The following TRMU variants were observed in gnomAD, a reference collection of about 807,000 sequenced individuals.
TRMU encodes tRNA mitochondrial 2-thiouridylase, also known as mitochondrial tRNA-specific 2-thiouridylase 1.
Under a neutral mutation model 46.9 loss-of-function variants are expected in TRMU, and 49 were observed. The ratio of observed to expected loss-of-function variants is 1.05; its 90% confidence interval spans 0.83 to 1.33. TRMU has a LOEUF of 1.33. Ranked by LOEUF, TRMU falls within the 40% of genes most tolerant of loss-of-function variation. The pLI, the probability that TRMU is intolerant of heterozygous loss-of-function variation, is 0.00. For missense variants in TRMU, 572 were observed against 532.4 expected (o/e 1.07, Z -0.73); for synonymous variants, 241 against 200.9 (o/e 1.20, Z -1.69).
intron 8 of TRMU, 64 bp downstream of exon 8, chr22:46,353,931 G>T: frequency 6.5e-7 from 1 of 1,528,278 alleles, no homozygotes; most frequent in Non-Finnish European, 9.0e-7. Flanking sequence ...AGTGCTTCCA[G>T]ACCAGGGCTT....
chr22:46,356,016 G>A lies in TRMU; in HGVS notation c.1045G>A (p.Asp349Asn). 1.2e-6 allele frequency: 2 copies of A among 1,614,008 alleles called. No individual in the cohort carries two copies. Among genetic ancestry groups the A allele is most frequent in the South Asian group, 1.1e-5 (1 of 91,086 alleles). The change falls in exon 10 of 11, where the codon GAT (aspartate) becomes AAT (asparagine). Residue 349 changes from aspartate (D) to asparagine (N), a missense_variant. Physicochemically the swap from Asp to Asn is conservative, Grantham distance 23. Coordinates refer to ENST00000645190, the MANE Select transcript of TRMU (RefSeq NM_018006.5). ...GCCCTGTGTGCTGACCCTCAATCAAGATGGCACCGTGTGGGTGACAGCTGT... is the reference window on the plus strand; with the variant it reads ...GCCCTGTGTGCTGACCCTCAATCAAAATGGCACCGTGTGGGTGACAGCTGT... ...LVPCVLTLNQDGTVWVTAVQA... is the reference protein window; with the variant it reads ...LVPCVLTLNQNGTVWVTAVQA...
intron 5 of TRMU, 35 bp from the exon 6 acceptor site, chr22:46,352,086 C>G (rs372174768): frequency 1.2e-6 from 2 of 1,611,648 alleles, no homozygotes; most frequent in Non-Finnish European, 1.7e-6. Context: ...ACCGCCACTT[C>G]TGCTCCTCTC....
chr22:46,352,005 TG>T, intron 5 of TRMU, 115 bp from the exon 6 acceptor site: 2 of 1,218,058 alleles, frequency 1.6e-6, no homozygotes, highest in Non-Finnish European at 2.4e-6. Context: ...GCCCCTACCC[TG>T]GAAGCAAAGT....
At chr22:46,352,368 C>G in intron 7 of TRMU, 38 bp downstream of exon 7, 1 of 1,610,008 alleles carries the variant, frequency 6.2e-7, no homozygotes, top group Non-Finnish European at 8.5e-7. Flanking sequence ...TCTGAAATGC[C>G]TAGAGCTGTG....
chr22:46,352,905 G>A (rs2078477736), intron 7 of TRMU: 1 of 208,932 alleles, frequency 4.8e-6, no homozygotes, highest in Non-Finnish European at 9.8e-6. Flanking sequence ...TGTTGGGTTA[G>A]TACAGTGGCG....
intron 10 of TRMU, 115 bp from the exon 11 acceptor site, chr22:46,356,727 G>GCA: frequency 7.8e-7 from 1 of 1,282,138 alleles, no homozygotes; most frequent in Admixed American, 1.9e-5. Context: ...TCCCCTGGGA[G>GCA]CTCAGTGCCT....
At chr22:46,355,680 G>C in intron 9 of TRMU, 92 bp downstream of exon 9, 1 of 1,595,558 alleles carries the variant, frequency 6.3e-7, no homozygotes, top group Non-Finnish European at 8.6e-7. Context: ...CCTGGGGTAG[G>C]AAAGTCCCGT....
In TRMU at chr22:46,337,856, T is replaced by C. The variant is rs764569367; in HGVS notation, c.160T>C (p.Cys54Arg). The C allele has an allele frequency of 2.5e-6, 4 of 1,614,122 alleles. No homozygotes were observed. The highest frequency in any genetic ancestry group is 2.2e-5 in the South Asian group (2 of 91,096). ...TGGGGTCTGTACTGCCGACAAAGAC[T>C]GTGAAGATGCTTACAGAGTTTGCCA... is the stretch of plus-strand genomic sequence containing the variant. ...EHGVCTADKD[C>R]EDAYRVCQIL... is the part of the protein sequence containing the mutation. The change falls in exon 2 of 11, where the codon TGT (cysteine) becomes CGT (arginine). Residue 54 changes from cysteine to arginine, a missense_variant. Coordinates refer to ENST00000645190, the MANE Select transcript of TRMU (RefSeq NM_018006.5).
In TRMU at chr22:46,349,381, C is replaced by T. The variant is rs368410487; in HGVS notation, c.479-910C>T. ...GTAACGTGGGGAGAATTCTCCCTCT[C>T]ACGGCTAACGTGGGAATCGGCAGAT... On this transcript the variant is annotated intron_variant, in intron 4 of 10. Transcript: ENST00000645190. The surrounding 1 kb of genome is among the most constrained non-coding windows in gnomAD (Gnocchi z 4.6). Among the ~76,000 whole-genome samples, 762 of 152,136 alleles carry T rather than the reference C, an allele frequency of 5.0e-3. 12 individuals are homozygous for T. Among genetic ancestry groups the T allele is most frequent in the African/African-American group, 0.018 (746 of 41,416 alleles).
At chr22:46,344,211 G>C (rs1451219363) in intron 3 of TRMU, among the ~76,000 whole-genome samples, 1 of 152,142 alleles carries the variant, frequency 6.6e-6, no homozygotes, top group Non-Finnish European at 1.5e-5. Context: ...GAAAATCTGG[G>C]GGATTTAGGT....
chr22:46,344,865 G>A (rs2078211137), intron 3 of TRMU, among the ~76,000 whole-genome samples: 2 of 152,164 alleles, frequency 1.3e-5, no homozygotes, highest in South Asian at 4.1e-4. Flanking sequence ...CCTCAGTCAA[G>A]ATGAGATTAT....
chr22:46,355,829 C>T (rs1268124696), intron 9 of TRMU, 161 bp from the exon 10 acceptor site: 3 of 998,076 alleles, frequency 3.0e-6, no homozygotes, highest in Non-Finnish European at 4.5e-6. Context: ...GTACACTGCC[C>T]CGCAGTGTCC....
rs1436976326 is a variant in TRMU at position 46,350,356 on chromosome 22, C to G, written c.544C>G (p.Gln182Glu). The G allele has an allele frequency of 6.2e-7, 1 of 1,614,090 alleles. No homozygotes were observed. The highest frequency in any genetic ancestry group is 8.5e-7 in the Non-Finnish European group (1 of 1,180,042). ...GACCTTCTTTCTCAGCCAGGTTTCC[C>G]AGGATGCCCTGAGGAGAACCATCTT... ...DQTFFLSQVS[Q>E]DALRRTIFPL... Residue 182 changes from glutamine to glutamate, a missense_variant, in exon 5 of 11, where the codon CAG becomes GAG. By Grantham distance (29) the Gln-to-Glu change is conservative. Coordinates refer to ENST00000645190, the MANE Select transcript of TRMU (RefSeq NM_018006.5). The surrounding 1 kb of genome is among the most constrained non-coding windows in gnomAD (Gnocchi z 4.6).
At position 46,350,576 on chromosome 22, in the gene TRMU, A is replaced by C; in HGVS notation, c.651+113A>C. 7.5e-7 allele frequency: 1 copy of C among 1,338,800 alleles called. No individual in the cohort carries two copies. Among genetic ancestry groups the C allele is most frequent in the Non-Finnish European group, 1.1e-6 (1 of 943,980 alleles). 82.9% of individuals were successfully genotyped at this position (1,338,800 alleles called of 1,614,324 possible). On this transcript the variant is annotated intron_variant, in intron 5 of 10. Coordinates refer to ENST00000645190, the MANE Select transcript of TRMU (RefSeq NM_018006.5). The surrounding 1 kb of genome is among the most constrained non-coding windows in gnomAD (Gnocchi z 4.6). ...CACTTCCCCTTCTCCAGGACCTAAC[A>C]TCAAAGGCGGGCCTTGGAGCAATAG...
At chr22:46,344,659 C>T (rs192638409) in intron 3 of TRMU, among the ~76,000 whole-genome samples, 15 of 152,266 alleles carry the variant, frequency 9.9e-5, no homozygotes, top group Admixed American at 3.3e-4. Flanking sequence ...CTGTCAGGCA[C>T]GCTGTGGAAG....
chr22:46,355,975 C>T lies in TRMU; in HGVS notation c.1019-15C>T, dbSNP rs1601999089. 6 of 1,613,834 alleles carry T rather than the reference C, an allele frequency of 3.7e-6. No homozygotes were observed. Among genetic ancestry groups the T allele is most frequent in the Non-Finnish European group, 4.2e-6 (5 of 1,179,878 alleles). On this transcript the variant is annotated splice_polypyrimidine_tract_variant and intron_variant, in intron 9 of 10. Coordinates refer to ENST00000645190, the MANE Select transcript of TRMU (RefSeq NM_018006.5). ...AGGCCTGTGCCCCCTCCAAGGGCCC[C>T]TCTCTTCTACCCAGTGCCCTGTGTG...
At chr22:46,355,408 C>T in intron 8 of TRMU, 36 bp from the exon 9 acceptor site, 1 of 1,607,924 alleles carries the variant, frequency 6.2e-7, no homozygotes, top group South Asian at 1.1e-5. Flanking sequence ...GGCCAGGTGC[C>T]CCTCGGCGTC....
chr22:46,337,718 C>T, intron 1 of TRMU, 61 bp from the exon 2 acceptor site: 1 of 1,601,484 alleles, frequency 6.2e-7, no homozygotes, highest in Non-Finnish European at 8.5e-7. Flanking sequence ...GCTCAGAAAT[C>T]ACTGCCGTTT....
Position 46,336,241 on chromosome 22 carries a change from C to T in TRMU, c.82+395C>T. On this transcript the variant is annotated intron_variant, in intron 1 of 10. Coordinates refer to ENST00000645190, the MANE Select transcript of TRMU (RefSeq NM_018006.5). This position sits in a 1 kb window ranked among gnomAD's most constrained non-coding sequence, Gnocchi z 4.1. ...CGCCGGGCCGGGGGCCTGACCTCTG[C>T]ACACGCTGTGGCCGCCCGGTGGGAG... 1 of 849,672 alleles carries T rather than the reference C, an allele frequency of 1.2e-6. No individual in the cohort carries two copies. The highest frequency in any genetic ancestry group is 1.5e-6 in the Non-Finnish European group (1 of 679,524). The allele number at this position is 849,672 out of a possible 1,614,324, so 52.6% of individuals were successfully genotyped here. A position where few individuals can be genotyped will look rare whatever the true frequency, so the allele number is the denominator to read the frequency against.
Sources: gnomAD v4.1 joint callset for allele counts (sites outside exome capture counted in the v4.1 genomes callset) on GRCh38, gnomAD v4.1.1 for gene constraint, Gnocchi (gnomAD v3.1) non-coding constraint, MANE v1.5 for transcripts, NCBI Gene and HGNC (gene_info 2026-07-23, HGNC 2026-07-21) for gene names.